The following SPOCK1 variants were observed in gnomAD, a reference collection of about 807,000 sequenced individuals.
SPOCK1 encodes the protein SPARC (osteonectin), cwcv and kazal like domains proteoglycan 1.
SPOCK1 carries 23 observed loss-of-function variants against 55.3 expected under a neutral mutation model. The observed-to-expected ratio is 0.42, with a 90% CI of 0.30 to 0.59. SPOCK1 has a LOEUF of 0.59. Among genes scored for constraint, SPOCK1 ranks in the 20% least tolerant of loss-of-function variants. The probability of loss-of-function intolerance (pLI) is 0.22; values close to 1 mark genes in which losing one functional copy is unlikely to be tolerated. For missense variants in SPOCK1, 499 were observed against 552.5 expected, an observed-to-expected ratio of 0.90 and a Z score of 0.97; for synonymous variants, 226 against 221.0, an observed-to-expected ratio of 1.02 and a Z score of -0.20.
chr5:137,043,963 T>C (rs992847852), intron 6 of SPOCK1, among the ~76,000 whole-genome samples: 2 of 152,200 alleles, frequency 1.3e-5, no homozygotes, highest in Non-Finnish European at 2.9e-5. Context: ...AAGACAATAA[T>C]AGAGAAACAT....
At chr5:137,041,706 T>C (rs1160397765) in intron 6 of SPOCK1, among the ~76,000 whole-genome samples, 1 of 152,200 alleles carries the variant, frequency 6.6e-6, no homozygotes, top group Non-Finnish European at 1.5e-5. Context: ...GAAAAGCTTA[T>C]GAACATCATT....
At position 136,977,667 on chromosome 5, in the gene SPOCK1, A is replaced by G. The variant is rs1750644143; in HGVS notation, c.*987T>C. 5.0e-6 allele frequency: 2 copies of G among 397,024 alleles called. No individual in the cohort carries two copies. The highest frequency in any genetic ancestry group is 8.8e-5 in the Admixed American group (2 of 22,674). The allele number at this position is 397,024 out of a possible 1,614,324, so 24.6% of individuals were successfully genotyped here. On this transcript the variant is annotated 3_prime_UTR_variant, in exon 11 of 11. Coordinates refer to ENST00000394945, the MANE Select transcript of SPOCK1 (RefSeq NM_004598.4). Reference sequence around the variant, plus strand: ...GGGGCTTCAAGCAGAAATGAAAGAGATGGCTTGTGAAGCTGCCCGTGTCGT... The same window carrying G: ...GGGGCTTCAAGCAGAAATGAAAGAGGTGGCTTGTGAAGCTGCCCGTGTCGT...
At chr5:137,345,243 G>T (rs1750530452) in intron 2 of SPOCK1, among the ~76,000 whole-genome samples, 1 of 152,174 alleles carries the variant, frequency 6.6e-6, no homozygotes, top group Admixed American at 6.5e-5. Context: ...TTTTAGCAAA[G>T]AATATGACTG....
intron 2 of SPOCK1, among the ~76,000 whole-genome samples, chr5:137,270,866 G>T (rs1428663473): frequency 6.6e-6 from 1 of 152,164 alleles, no homozygotes; most frequent in Non-Finnish European, 1.5e-5. Context: ...GCTAGGTGTG[G>T]TGGCACATGC....
rs574007511 is a variant in SPOCK1, at chr5:137,383,217, T to C, written c.186+115156A>G. 5.3e-5 allele frequency among the ~76,000 whole-genome samples: 8 copies of C among 152,344 alleles called. No homozygotes were observed. The South Asian group carries it at 1.7e-3, about 32-fold the overall frequency. On this transcript the variant is annotated intron_variant, in intron 2 of 10. Coordinates refer to ENST00000394945, the MANE Select transcript of SPOCK1 (RefSeq NM_004598.4). ...AATTTATCTCAAAGAGCTGCTGTGA[T>C]ACTTAAGTTTAAGAAAATCAGGGAA...
chr5:137,297,705 G>A (rs1173009425), intron 2 of SPOCK1, among the ~76,000 whole-genome samples: 1 of 152,054 alleles, frequency 6.6e-6, no homozygotes, highest in Non-Finnish European at 1.5e-5. Flanking sequence ...GAGAGCCTGG[G>A]GAGACATGGT....
intron 6 of SPOCK1, among the ~76,000 whole-genome samples, chr5:137,001,002 C>T (rs938483474): frequency 1.3e-5 from 2 of 152,098 alleles, no homozygotes; most frequent in African/African-American, 4.8e-5. Context: ...AACTCCGTCT[C>T]AAAAAATAAA....
intron 4 of SPOCK1, among the ~76,000 whole-genome samples, chr5:137,113,134 G>A (rs945040560): frequency 2.6e-5 from 4 of 152,206 alleles, no homozygotes; most frequent in Admixed American, 2.6e-4. Context: ...AGGCTCTGAG[G>A]TGATGTCACT....
intron 3 of SPOCK1, among the ~76,000 whole-genome samples, chr5:137,172,698 G>A (rs1754776770): frequency 2.0e-5 from 3 of 152,084 alleles, no homozygotes; most frequent in Admixed American, 6.5e-5. Context: ...CACTCCCAAT[G>A]TCTAATACAC....
intron 3 of SPOCK1, among the ~76,000 whole-genome samples, chr5:137,231,743 G>A (rs142055662): frequency 3.3e-5 from 5 of 152,288 alleles, no homozygotes; most frequent in African/African-American, 1.2e-4. Flanking sequence ...TCATTTCTCT[G>A]GGATAAATGC....
intron 2 of SPOCK1, among the ~76,000 whole-genome samples, chr5:137,415,053 G>C (rs1305282510): frequency 3.3e-5 from 5 of 152,170 alleles, no homozygotes; most frequent in African/African-American, 9.7e-5. Context: ...AAGTAAGCCA[G>C]AAGAGGAGAT....
Position 137,219,685 on chromosome 5 carries a change from A to G in SPOCK1, c.232+47325T>C, listed in dbSNP as rs151056267. Among the ~76,000 whole-genome samples, 1,512 of 152,318 alleles carry G rather than the reference A, an allele frequency of 9.9e-3. 21 individuals carry two copies. Among genetic ancestry groups the G allele is most frequent in the African/African-American group, 0.033 (1,389 of 41,570 alleles). Reference sequence around the variant, plus strand: ...ATAACTGGCATAGTGCCTTTGCCCAATGTTCTAGAGCTCATCATGATCAAA... The same window carrying G: ...ATAACTGGCATAGTGCCTTTGCCCAGTGTTCTAGAGCTCATCATGATCAAA... On this transcript the variant is annotated intron_variant, in intron 3 of 10. Transcript: ENST00000394945.
chr5:137,425,986 T>C (rs1322172807), intron 2 of SPOCK1, among the ~76,000 whole-genome samples: 1 of 146,932 alleles, frequency 6.8e-6, no homozygotes, highest in African/African-American at 2.5e-5. Flanking sequence ...AAAAAAAAGG[T>C]TGCCAGAAGT....
At chr5:137,462,796 T>C (rs1303096469) in intron 2 of SPOCK1, among the ~76,000 whole-genome samples, 1 of 152,192 alleles carries the variant, frequency 6.6e-6, no homozygotes, top group Non-Finnish European at 1.5e-5. Context: ...AACATGTCCA[T>C]GTGTCAGAAT....
intron 2 of SPOCK1, among the ~76,000 whole-genome samples, chr5:137,364,371 G>A (rs140793351): frequency 2.6e-5 from 4 of 152,254 alleles, no homozygotes; most frequent in East Asian, 3.9e-4. Context: ...CTCAAATTAC[G>A]AGTGATTTAT....
At chr5:137,247,137 C>T (rs1756410859) in intron 3 of SPOCK1, among the ~76,000 whole-genome samples, 1 of 152,188 alleles carries the variant, frequency 6.6e-6, no homozygotes, top group African/African-American at 2.4e-5. Flanking sequence ...GAAGGCAGAA[C>T]ATGGCAGGCA....
intron 2 of SPOCK1, among the ~76,000 whole-genome samples, chr5:137,287,867 G>T (rs912104885): frequency 2.6e-5 from 4 of 152,162 alleles, no homozygotes; most frequent in Non-Finnish European, 5.9e-5. Flanking sequence ...CATGGGGAGA[G>T]AAGCAATGGG....
At chr5:137,018,306 A>G (rs62387881) in intron 6 of SPOCK1, among the ~76,000 whole-genome samples, 1,713 of 152,318 alleles carry the variant, frequency 0.011, 13 homozygotes, top group Non-Finnish European at 0.018. Flanking sequence ...CAGTCAGGTG[A>G]CCTGGAGGAA....
At chr5:137,133,369 C>CA (rs576091633) in intron 4 of SPOCK1, among the ~76,000 whole-genome samples, 34,554 of 119,832 alleles carry the variant, frequency 0.29, 4,396 homozygotes, top group Non-Finnish European at 0.31. Flanking sequence ...GACTCCATCT[C>CA]AAAAAAAAAA....
Sources: allele counts gnomAD v4.1 joint callset (sites outside exome capture counted in the v4.1 genomes callset), GRCh38; gene constraint gnomAD v4.1.1; transcripts MANE v1.5; gene names NCBI Gene and HGNC (gene_info 2026-07-23, HGNC 2026-07-21).